The following UVRAG variants were observed in gnomAD, a reference collection of about 807,000 sequenced individuals.
UVRAG encodes UV radiation resistance associated.
Under a neutral mutation model 78.0 loss-of-function variants are expected in UVRAG, and 19 were observed. The observed-to-expected ratio is 0.24, with a 90% CI of 0.17 to 0.36. The LOEUF (loss-of-function observed/expected upper bound fraction) is 0.36. UVRAG is among the 10% of genes least tolerant of loss of function. The pLI, the probability that UVRAG is intolerant of heterozygous loss-of-function variation, is 1.00. For missense variants in UVRAG, 740 were observed against 853.8 expected, an observed-to-expected ratio of 0.87 and a Z score of 1.66; for synonymous variants, 323 against 324.6, an observed-to-expected ratio of 1.00 and a Z score of 0.05.
chr11:75,961,435 T>A lies in UVRAG; in HGVS notation c.594-9T>A, dbSNP rs747925334. The A allele has an allele frequency of 6.3e-7, 1 of 1,580,580 alleles. No homozygotes were observed. Among genetic ancestry groups the A allele is most frequent in the Non-Finnish European group, 8.5e-7 (1 of 1,171,100 alleles). On this transcript the variant is annotated splice_polypyrimidine_tract_variant and intron_variant, in intron 6 of 14. Transcript: ENST00000356136. The stretch of plus-strand genomic sequence containing the variant: ...CTCATTTACATTTTTCTATAACTTA[T>A]ATTTCTAGGCTTCATAGAGCCCAGT...
chr11:75,986,771 TCC>T (rs1378798668), intron 8 of UVRAG, among the ~76,000 whole-genome samples: 1 of 145,092 alleles, frequency 6.9e-6, no homozygotes, highest in Non-Finnish European at 1.5e-5. Flanking sequence ...ACACTTCCCC[TCC>T]CCCAGTTCTA....
intron 9 of UVRAG, among the ~76,000 whole-genome samples, chr11:76,005,958 T>G (rs774184120): frequency 2.6e-5 from 4 of 152,214 alleles, no homozygotes; most frequent in Non-Finnish European, 5.9e-5. Context: ...ACACTGCCAG[T>G]CTGGAAGCTC....
chr11:76,075,426 C>T (rs1035676012), intron 13 of UVRAG, among the ~76,000 whole-genome samples: 2 of 152,032 alleles, frequency 1.3e-5, no homozygotes, highest in African/African-American at 4.8e-5. Context: ...GCCTGGCCAA[C>T]ATGGTGAAAC....
intron 1 of UVRAG, among the ~76,000 whole-genome samples, chr11:75,837,390 T>C (rs1288120885): frequency 6.6e-6 from 1 of 151,574 alleles, no homozygotes; most frequent in African/African-American, 2.4e-5. Context: ...TGGCATAGTA[T>C]GCATATAACC....
intron 12 of UVRAG, among the ~76,000 whole-genome samples, chr11:76,031,747 T>C (rs545293914): frequency 6.6e-6 from 1 of 152,252 alleles, no homozygotes; most frequent in East Asian, 1.9e-4. Context: ...AGGAATAATA[T>C]ATTTAGTTAA....
chr11:75,876,743 T>A (rs536388324), intron 3 of UVRAG, among the ~76,000 whole-genome samples: 28 of 151,348 alleles, frequency 1.9e-4, no homozygotes, highest in Non-Finnish European at 3.7e-4. Flanking sequence ...GTTACCCTTA[T>A]CTGAAGACCC....
chr11:75,909,807 G>A (rs994588479), intron 5 of UVRAG, among the ~76,000 whole-genome samples: 1 of 151,952 alleles, frequency 6.6e-6, no homozygotes, highest in Non-Finnish European at 1.5e-5. Flanking sequence ...CTGATATTTC[G>A]CTAAGGATTT....
In UVRAG at chr11:75,980,682, A is replaced by ATTTT. The variant is rs35190339; in HGVS notation, c.700-2692_700-2689dup. On this transcript the variant is annotated intron_variant, in intron 7 of 14. Coordinates refer to ENST00000356136, the MANE Select transcript of UVRAG (RefSeq NM_003369.4). ...TTTTTCCTTGAAGAGTCTGGCTAGA[A>ATTTT]TTTTTTTTTTTTTTTTGAGATGGAG... Among the ~76,000 whole-genome samples, 29 of 139,154 alleles carry ATTTT rather than the reference A, an allele frequency of 2.1e-4. 1 individual carries two copies. Among genetic ancestry groups the ATTTT allele is most frequent in the African/African-American group, 7.2e-4 (27 of 37,372 alleles). 91.3% of individuals were successfully genotyped at this position (139,154 alleles called of 152,430 possible).
At chr11:76,034,056 T>C (rs1183913500) in intron 12 of UVRAG, among the ~76,000 whole-genome samples, 1 of 152,240 alleles carries the variant, frequency 6.6e-6, no homozygotes, top group Non-Finnish European at 1.5e-5. Context: ...ATTATATAGA[T>C]ATTTAAACCT....
intron 12 of UVRAG, among the ~76,000 whole-genome samples, chr11:76,028,957 G>A (rs1166823129): frequency 3.3e-5 from 5 of 152,104 alleles, no homozygotes; most frequent in East Asian, 1.9e-4. Flanking sequence ...CTAGGACTTC[G>A]ATAGCTGGAA....
At chr11:76,018,073 G>A (rs1324830060) in intron 12 of UVRAG, among the ~76,000 whole-genome samples, 2 of 152,114 alleles carry the variant, frequency 1.3e-5, no homozygotes, top group African/African-American at 4.8e-5. Context: ...GGTTTATAAT[G>A]CATGGTTCTA....
chr11:76,083,697 T>C (rs1048632410), intron 13 of UVRAG, among the ~76,000 whole-genome samples: 1 of 151,876 alleles, frequency 6.6e-6, no homozygotes, highest in Non-Finnish European at 1.5e-5. Context: ...AGCCAAAAAA[T>C]TTTTTTTTAG....
chr11:75,851,486 T>G (rs1946151379), intron 1 of UVRAG, among the ~76,000 whole-genome samples: 1 of 152,202 alleles, frequency 6.6e-6, no homozygotes, highest in African/African-American at 2.4e-5. Context: ...AGTGTATGTG[T>G]TAACTGGTGA....
intron 4 of UVRAG, among the ~76,000 whole-genome samples, chr11:75,886,172 C>A (rs1397081687): frequency 6.6e-6 from 1 of 152,142 alleles, no homozygotes; most frequent in Non-Finnish European, 1.5e-5. Context: ...CGTATCTTTT[C>A]AAGTACTAGT....
intron 4 of UVRAG, among the ~76,000 whole-genome samples, chr11:75,887,455 T>G (rs188554183): frequency 0.032 from 4,665 of 148,094 alleles, 248 homozygotes; most frequent in African/African-American, 0.11. Context: ...CAGGTTTTTT[T>G]TTTTTTTTTT....
At chr11:75,929,735 C>A (rs1948193941) in intron 6 of UVRAG, among the ~76,000 whole-genome samples, 1 of 152,152 alleles carries the variant, frequency 6.6e-6, no homozygotes, top group African/African-American at 2.4e-5. Context: ...CGGTAACAGC[C>A]ACTGGTGCTT....
chr11:76,015,305 C>T (rs528970363), intron 11 of UVRAG, among the ~76,000 whole-genome samples: 23 of 152,144 alleles, frequency 1.5e-4, no homozygotes, highest in African/African-American at 5.1e-4. Context: ...AGTTTGAGGT[C>T]GGCCTGGGCA....
intron 12 of UVRAG, among the ~76,000 whole-genome samples, chr11:76,031,992 T>C (rs560487525): frequency 6.6e-6 from 1 of 152,336 alleles, no homozygotes; most frequent in East Asian, 1.9e-4. Flanking sequence ...TCTGTTCTTT[T>C]CTTTAATTCT....
chr11:75,862,816 A>C (rs1946451617), intron 3 of UVRAG, among the ~76,000 whole-genome samples: 1 of 152,234 alleles, frequency 6.6e-6, no homozygotes, highest in Non-Finnish European at 1.5e-5. Context: ...CCCACCTGCT[A>C]GAACATAAGT....
Sources: gnomAD v4.1 joint callset for allele counts (sites outside exome capture counted in the v4.1 genomes callset) on GRCh38, gnomAD v4.1.1 for gene constraint, MANE v1.5 for transcripts, NCBI Gene and HGNC (gene_info 2026-07-23, HGNC 2026-07-21) for gene names.